The following GRM5 variants were observed in gnomAD, a reference collection of about 807,000 sequenced individuals.
GRM5 encodes metabotropic glutamate receptor 5.
In GRM5, 19 loss-of-function variants were observed where a neutral mutation model predicts 83.1. The observed-to-expected ratio is 0.23, with a 90% confidence interval of 0.16 to 0.34. GRM5 has a LOEUF of 0.34. Among genes scored for constraint, GRM5 ranks in the 10% least tolerant of loss-of-function variants. The pLI, the probability that GRM5 is intolerant of heterozygous loss-of-function variation, is 1.00. For synonymous variants in GRM5, 675 were observed against 633.6 expected, an observed-to-expected ratio of 1.07 and a Z score of -0.98; for missense variants, 1,160 against 1,588.3, an observed-to-expected ratio of 0.73 and a Z score of 4.58.
chr11:88,571,218 GT>G (rs1358781721), intron 7 of GRM5, among the ~76,000 whole-genome samples: 1 of 152,000 alleles, frequency 6.6e-6, no homozygotes, highest in Non-Finnish European at 1.5e-5. Context: ...AACTCTTCAT[GT>G]TCAGCTTATT....
At chr11:88,682,536 T>C (rs557219731) in intron 3 of GRM5, among the ~76,000 whole-genome samples, 1 of 152,306 alleles carries the variant, frequency 6.6e-6, no homozygotes, top group South Asian at 2.1e-4. Context: ...ATCACCAGAA[T>C]ATCAGTTACT....
intron 2 of GRM5, among the ~76,000 whole-genome samples, chr11:88,961,065 A>G (rs1938768670): frequency 6.6e-6 from 1 of 152,198 alleles, no homozygotes; most frequent in African/African-American, 2.4e-5. Flanking sequence ...TAACTGCTAG[A>G]TTATATCACT....
intron 4 of GRM5, among the ~76,000 whole-genome samples, chr11:88,607,767 C>A (rs1479634271): frequency 6.6e-6 from 1 of 152,210 alleles, no homozygotes; most frequent in African/African-American, 2.4e-5. Flanking sequence ...TGCCTCTGAG[C>A]CCTTGTAATT....
At chr11:88,609,219 G>A (rs565442817) in intron 4 of GRM5, among the ~76,000 whole-genome samples, 4 of 152,036 alleles carry the variant, frequency 2.6e-5, no homozygotes, top group Admixed American at 6.6e-5. Flanking sequence ...AATGTTTAGC[G>A]CCCACTTATA....
intron 7 of GRM5, among the ~76,000 whole-genome samples, chr11:88,584,599 T>C (rs540836523): frequency 4.6e-5 from 7 of 152,144 alleles, no homozygotes; most frequent in African/African-American, 1.4e-4. Flanking sequence ...TGCACCACCG[T>C]GGCTGGCTAA....
intron 2 of GRM5, among the ~76,000 whole-genome samples, chr11:88,974,491 G>T (rs191661276): frequency 8.4e-4 from 128 of 152,024 alleles, no homozygotes; most frequent in Non-Finnish European, 1.5e-3. Context: ...AATATTAATT[G>T]GTGTATGTAT....
intron 2 of GRM5, among the ~76,000 whole-genome samples, chr11:89,004,245 TAA>T (rs758715504): frequency 8.5e-5 from 13 of 152,346 alleles, no homozygotes; most frequent in Non-Finnish European, 1.8e-4. Flanking sequence ...TGATAAATTA[TAA>T]GAGAGATGTC....
intron 1 of GRM5, among the ~76,000 whole-genome samples, chr11:89,054,037 C>A (rs1391260681): frequency 6.6e-6 from 1 of 152,158 alleles, no homozygotes; most frequent in African/African-American, 2.4e-5. Flanking sequence ...CTTAACATTT[C>A]ATGAGAACGT....
At chr11:88,970,955 CT>C (rs1438514582) in intron 2 of GRM5, among the ~76,000 whole-genome samples, 1 of 152,132 alleles carries the variant, frequency 6.6e-6, no homozygotes, top group African/African-American at 2.4e-5. Flanking sequence ...TCTCCCCTTC[CT>C]TTGTGTGAGC....
At chr11:88,949,509 T>G (rs1232127388) in intron 2 of GRM5, among the ~76,000 whole-genome samples, 1 of 152,184 alleles carries the variant, frequency 6.6e-6, no homozygotes, top group African/African-American at 2.4e-5. Context: ...CCATGAAATA[T>G]TATCCTAGTT....
chr11:89,052,316 C>A (rs1226828077), intron 1 of GRM5, among the ~76,000 whole-genome samples: 1 of 151,904 alleles, frequency 6.6e-6, no homozygotes, highest in Non-Finnish European at 1.5e-5. Context: ...AAAGGTACAG[C>A]TAAAAAATAA....
chr11:88,868,808 T>C (rs1376881113), intron 2 of GRM5, among the ~76,000 whole-genome samples: 3 of 151,764 alleles, frequency 2.0e-5, no homozygotes, highest in Non-Finnish European at 4.4e-5. Flanking sequence ...TGTGGGCACC[T>C]CACAAAGCAA....
At chr11:88,582,799 C>T (rs1261281635) in intron 7 of GRM5, among the ~76,000 whole-genome samples, 1 of 152,114 alleles carries the variant, frequency 6.6e-6, no homozygotes, top group African/African-American at 2.4e-5. Flanking sequence ...AGATAATTAA[C>T]ATGTGACCAG....
intron 2 of GRM5, among the ~76,000 whole-genome samples, chr11:88,950,966 A>C (rs1938441611): frequency 6.6e-6 from 1 of 152,214 alleles, no homozygotes; most frequent in African/African-American, 2.4e-5. Flanking sequence ...TGAGACCATC[A>C]GTGTTGGGAA....
At chr11:88,777,775 CAG>C (rs1236756180) in intron 3 of GRM5, among the ~76,000 whole-genome samples, 1 of 152,158 alleles carries the variant, frequency 6.6e-6, no homozygotes, top group Non-Finnish European at 1.5e-5. Context: ...GGCTGCAGAA[CAG>C]AGAATATTGC....
chr11:89,010,698 G>C (rs1357858315), intron 2 of GRM5, among the ~76,000 whole-genome samples: 3 of 151,374 alleles, frequency 2.0e-5, no homozygotes, highest in Non-Finnish European at 4.4e-5. Flanking sequence ...CTTTTTAGAT[G>C]ACTAAGTGGA....
intron 1 of GRM5, among the ~76,000 whole-genome samples, chr11:89,053,361 G>T (rs1165764600): frequency 6.6e-6 from 1 of 152,030 alleles, no homozygotes; most frequent in Admixed American, 6.6e-5. Context: ...ATAGAAATGC[G>T]AAAGAACTGT....
chr11:88,844,305 T>A (rs1022748484), intron 3 of GRM5, among the ~76,000 whole-genome samples: 2 of 151,972 alleles, frequency 1.3e-5, no homozygotes, highest in Non-Finnish European at 2.9e-5. Context: ...TGACAACACA[T>A]CTCTTTAAAG....
chr11:88,905,548 G>T (rs142779254), intron 2 of GRM5, among the ~76,000 whole-genome samples: 2 of 152,072 alleles, frequency 1.3e-5, no homozygotes, highest in Non-Finnish European at 2.9e-5. Context: ...CGCCAGGTTT[G>T]TCAGGCTGGT....
Sources: gnomAD v4.1 joint callset for allele counts (sites outside exome capture counted in the v4.1 genomes callset) on GRCh38, gnomAD v4.1.1 for gene constraint, MANE v1.5 for transcripts, NCBI Gene and HGNC (gene_info 2026-07-23, HGNC 2026-07-21) for gene names.